CMSS1: variants seen among roughly 807,000 people sequenced by gnomAD.
The protein encoded by CMSS1 is cms1 ribosomal small subunit homolog, also known as protein CMSS1.
Under a neutral mutation model 43.5 loss-of-function variants are expected in CMSS1, and 33 were observed. The ratio of observed to expected loss-of-function variants is 0.76; its 90% CI spans 0.57 to 1.01. The LOEUF is 1.01. Among genes scored for constraint, CMSS1 ranks in the 50% least tolerant of loss-of-function variants. The probability of loss-of-function intolerance (pLI) is 0.00; values close to 1 mark genes in which losing one functional copy is unlikely to be tolerated. For synonymous variants in CMSS1, 115 were observed against 117.2 expected (o/e 0.98, Z 0.12); for missense variants, 313 against 326.4 (o/e 0.96, Z 0.32).
chr3:99,889,232 G>T (rs1226160565), intron 1 of CMSS1, among the ~76,000 whole-genome samples: 1 of 152,028 alleles, frequency 6.6e-6, no homozygotes, highest in South Asian at 2.1e-4. Flanking sequence ...TGATGGATTA[G>T]TTTGTCCTTG....
At chr3:99,823,271 T>C (rs1942474568) in intron 1 of CMSS1, among the ~76,000 whole-genome samples, 1 of 152,214 alleles carries the variant, frequency 6.6e-6, no homozygotes, top group African/African-American at 2.4e-5. Flanking sequence ...TCAAACCTGA[T>C]CCTGGAGCTC....
intron 1 of CMSS1, among the ~76,000 whole-genome samples, chr3:99,835,771 A>G (rs867222548): frequency 6.6e-6 from 1 of 152,236 alleles, no homozygotes; most frequent in Non-Finnish European, 1.5e-5. Context: ...AGGTAGAATG[A>G]CGTGCAATAA....
intron 1 of CMSS1, among the ~76,000 whole-genome samples, chr3:99,931,761 A>G (rs1707489900): frequency 1.3e-5 from 2 of 152,358 alleles, no homozygotes; most frequent in South Asian, 2.1e-4. Flanking sequence ...TGGAAACAAT[A>G]TAAAATAAAT....
intron 1 of CMSS1, among the ~76,000 whole-genome samples, chr3:100,110,956 A>G (rs1165337388): frequency 6.6e-6 from 1 of 152,212 alleles, no homozygotes; most frequent in Non-Finnish European, 1.5e-5. Flanking sequence ...CTAATATACT[A>G]TACTGTTCCT....
At position 99,983,418 on chromosome 3, in the gene CMSS1, ATGTATGTATG is replaced by A. The variant is rs1325335207; in HGVS notation, c.65-163553_65-163544del. 3.2e-3 allele frequency among the ~76,000 whole-genome samples: 265 copies of A among 81,932 alleles called. 7 individuals carry two copies. The highest frequency in any genetic ancestry group is 0.013 in the African/African-American group (243 of 19,086). 53.8% of individuals were successfully genotyped at this position (81,932 alleles called of 152,430 possible). A position where few individuals can be genotyped will look rare whatever the true frequency, so the allele number is the denominator to read the frequency against. On this transcript the variant is annotated intron_variant, in intron 1 of 9. Coordinates refer to ENST00000421999, the MANE Select transcript of CMSS1 (RefSeq NM_032359.4). ...TATATATATATATATATATATATATATGTATGTATGTATGTATATATATGTATGTATATAT... is the reference window on the plus strand; with the variant it reads ...TATATATATATATATATATATATATATATGTATATATATGTATGTATATAT...
intron 1 of CMSS1, among the ~76,000 whole-genome samples, chr3:100,081,832 T>C (rs2065936520): frequency 6.6e-6 from 1 of 152,162 alleles, no homozygotes; most frequent in South Asian, 2.1e-4. Flanking sequence ...GGCTGTCCTG[T>C]GCATTGTAGG....
intron 6 of CMSS1, among the ~76,000 whole-genome samples, chr3:100,168,116 C>G (rs1435177203): frequency 6.6e-6 from 1 of 152,168 alleles, no homozygotes; most frequent in Non-Finnish European, 1.5e-5. Flanking sequence ...CAGAAAGCTT[C>G]TCTAAGGAGA....
At chr3:99,927,730 T>A (rs1211465796) in intron 1 of CMSS1, among the ~76,000 whole-genome samples, 4 of 152,146 alleles carry the variant, frequency 2.6e-5, no homozygotes, top group African/African-American at 7.2e-5. Flanking sequence ...TAATTTTTTT[T>A]TAAAATTAAG....
intron 1 of CMSS1, among the ~76,000 whole-genome samples, chr3:100,074,675 ATTTTTTTTTTTTTTTTTTTT>A (rs555819875): frequency 2.9e-4 from 10 of 34,782 alleles, no homozygotes; most frequent in South Asian, 3.3e-3. Context: ...GCAACATTTG[ATTTTTTTTTTTTTTTTTTTT>A]TTTTTTTTTT....
intron 1 of CMSS1, chr3:99,929,737 G>A (rs767306910): frequency 2.9e-5 from 19 of 664,534 alleles, no homozygotes; most frequent in Middle Eastern, 4.4e-4. Context: ...TTTTGTGTAG[G>A]CTTTAAGTGC....
chr3:99,960,656 A>C (rs1349887233), intron 1 of CMSS1, among the ~76,000 whole-genome samples: 1 of 151,984 alleles, frequency 6.6e-6, no homozygotes, highest in Non-Finnish European at 1.5e-5. Context: ...GGTAGGGGAG[A>C]AGTAGGGGAG....
chr3:100,049,740 A>C (rs1482127824), intron 1 of CMSS1, among the ~76,000 whole-genome samples: 1 of 152,206 alleles, frequency 6.6e-6, no homozygotes, highest in Non-Finnish European at 1.5e-5. Context: ...TAGTAAATGT[A>C]CTTTCTCTTC....
At chr3:99,968,702 G>A (rs1473444447) in intron 1 of CMSS1, among the ~76,000 whole-genome samples, 1 of 152,092 alleles carries the variant, frequency 6.6e-6, no homozygotes, top group Admixed American at 6.5e-5. Context: ...AGACTGGAAA[G>A]GAAAAAACAG....
intron 1 of CMSS1, among the ~76,000 whole-genome samples, chr3:100,080,200 T>C (rs1455272526): frequency 6.6e-6 from 1 of 152,110 alleles, no homozygotes; most frequent in Non-Finnish European, 1.5e-5. Context: ...CCCAGGCTGG[T>C]CTCAAACTCC....
rs1559654828 is a variant in CMSS1 at position 99,848,286 on chromosome 3, A to T, written c.64+30243A>T. 2.5e-6 allele frequency: 4 copies of T among 1,613,900 alleles called. 1 individual carries two copies. In the South Asian group the frequency reaches 4.4e-5, roughly 18 times the overall value. Reference sequence around the variant, plus strand: ...AGGGTGAGCGTGGTCAGTTATATATATTACTTACTGTAATTTGTGATTGTC... The same window carrying T: ...AGGGTGAGCGTGGTCAGTTATATATTTTACTTACTGTAATTTGTGATTGTC... On this transcript the variant is annotated intron_variant, in intron 1 of 9. Coordinates refer to ENST00000421999, the MANE Select transcript of CMSS1 (RefSeq NM_032359.4).
At chr3:99,969,557 G>A (rs557644983) in intron 1 of CMSS1, among the ~76,000 whole-genome samples, 38 of 152,274 alleles carry the variant, frequency 2.5e-4, no homozygotes, top group East Asian at 5.8e-4. Flanking sequence ...GTAATGAGCC[G>A]TGCTATCCCA....
At chr3:99,853,846 CAA>C (rs1943827272) in intron 1 of CMSS1, among the ~76,000 whole-genome samples, 1 of 152,100 alleles carries the variant, frequency 6.6e-6, no homozygotes, top group Admixed American at 6.5e-5. Context: ...GGAAGGTAAA[CAA>C]GAATTTATAT....
intron 1 of CMSS1, among the ~76,000 whole-genome samples, chr3:99,918,436 T>G (rs191404007): frequency 5.3e-5 from 8 of 152,214 alleles, no homozygotes; most frequent in African/African-American, 1.9e-4. Context: ...GCATTCATAG[T>G]ATTCTTTTGT....
intron 1 of CMSS1, among the ~76,000 whole-genome samples, chr3:99,831,777 G>A (rs1194040959): frequency 6.6e-6 from 1 of 152,174 alleles, no homozygotes; most frequent in Admixed American, 6.5e-5. Context: ...TTGTGGATAT[G>A]TCCAGCAATT....
Sources: allele counts gnomAD v4.1 joint callset (sites outside exome capture counted in the v4.1 genomes callset), GRCh38; gene constraint gnomAD v4.1.1; transcripts MANE v1.5; gene names NCBI Gene and HGNC (gene_info 2026-07-23, HGNC 2026-07-21).